CALCB: variants seen among roughly 807,000 people sequenced by gnomAD.
CALCB encodes the protein calcitonin gene-related peptide 2.
A neutral mutation model predicts 10.7 loss-of-function variants in CALCB; 8 were observed. That is an observed-to-expected ratio of 0.75 (90% CI 0.44 to 1.34). CALCB has a LOEUF of 1.34. Among genes scored for constraint, CALCB ranks in the 40% most tolerant of loss-of-function variants. The pLI is 0.01. For synonymous variants in CALCB, 76 were observed against 66.9 expected (o/e 1.14, Z -0.66); for missense variants, 176 against 162.5 (o/e 1.08, Z -0.45).
intron 3 of CALCB, among the ~76,000 whole-genome samples, chr11:15,076,848 T>A (rs1361244864): frequency 3.3e-5 from 5 of 152,174 alleles, no homozygotes; most frequent in Non-Finnish European, 7.3e-5. Context: ...GTGAAGGAGC[T>A]GGTAAGTACT....
chr11:15,074,686 A>G (rs1850377210), intron 1 of CALCB, 24 bp from the exon 2 acceptor site: 1 of 1,571,102 alleles, frequency 6.4e-7, no homozygotes, highest in Non-Finnish European at 8.7e-7. Context: ...CTGGTGCAGT[A>G]GTAACGTCAT....
At chr11:15,074,634 A>G in intron 1 of CALCB, 76 bp from the exon 2 acceptor site, 2 of 1,128,186 alleles carry the variant, frequency 1.8e-6, no homozygotes, top group Non-Finnish European at 2.6e-6. Flanking sequence ...CTAAGGTCAC[A>G]TGGCAGTTGT....
chr11:15,074,795 C>A lies in CALCB; in HGVS notation c.77C>A (p.Ala26Glu). 6.2e-7 allele frequency: 1 copy of A among 1,613,566 alleles called. No individual in the cohort carries two copies. The highest frequency in any genetic ancestry group is 8.5e-7 in the Non-Finnish European group (1 of 1,179,666). ...TACCAGGCGGGCAGCCTCCAGGCGG[C>A]GCCATTCAGGTGAGACAGCCTGGAG... ...VLYQAGSLQA[A>E]PFRSALESSP... The change falls in exon 2 of 5, where the codon GCG becomes GAG. Residue 26 changes from alanine (A) to glutamate (E), a missense_variant. Coordinates refer to ENST00000324229, the MANE Select transcript of CALCB (RefSeq NM_000728.4).
chr11:15,074,538 A>T (rs1257372782), intron 1 of CALCB, among the ~76,000 whole-genome samples, 172 bp from the exon 2 acceptor site: 1 of 152,034 alleles, frequency 6.6e-6, no homozygotes, highest in Admixed American at 6.5e-5. Flanking sequence ...CAAGCCATTC[A>T]CTCACTGCAA....
chr11:15,077,533 GA>G, intron 4 of CALCB, 63 bp downstream of exon 4: 2 of 1,508,660 alleles, frequency 1.3e-6, no homozygotes, highest in Non-Finnish European at 1.8e-6. Flanking sequence ...CCTACATTTT[GA>G]AAACCTCTGC....
rs761441692 is a variant in CALCB, at chr11:15,074,726, T to A, written c.8T>A (p.Phe3Tyr). 1 of 1,613,940 alleles carries A rather than the reference T, an allele frequency of 6.2e-7. No individual in the cohort carries two copies. Among genetic ancestry groups the A allele is most frequent in the South Asian group, 1.1e-5 (1 of 91,070 alleles). MG[F>Y]RKFSPFLALS... ...CCTTTACAGAGAGGCGGCATGGGTT[T>A]CCGGAAGTTCTCCCCCTTCCTGGCT... The change falls in exon 2 of 5, where the codon TTC becomes TAC. Residue 3 changes from phenylalanine (F) to tyrosine (Y), a missense_variant. Physicochemically the swap from Phe to Tyr is conservative, Grantham distance 22. Transcript: ENST00000324229.
In CALCB at chr11:15,074,513, C is replaced by A. The variant is rs564475883; in HGVS notation, c.-9-197C>A. Reference sequence around the variant, plus strand: ...TCTCTCCACCCTTCCCCTAGGACACCTTTTTCCGCTCTATCAAGCCATTCA... The same window carrying A: ...TCTCTCCACCCTTCCCCTAGGACACATTTTTCCGCTCTATCAAGCCATTCA... On this transcript the variant is annotated intron_variant, in intron 1 of 4. Transcript: ENST00000324229. Among the ~76,000 whole-genome samples, 21 of 152,290 alleles carry A rather than the reference C, an allele frequency of 1.4e-4. No homozygotes were observed. In the South Asian group the frequency reaches 3.7e-3, roughly 27 times the overall value.
intron 3 of CALCB, among the ~76,000 whole-genome samples, chr11:15,076,723 C>G (rs1243239506): frequency 2.0e-5 from 3 of 152,216 alleles, no homozygotes; most frequent in East Asian, 3.8e-4. Flanking sequence ...TGGTCCACAT[C>G]CAGACTTGAG....
In CALCB at chr11:15,077,489, T is replaced by G. The variant is rs770414596; in HGVS notation, c.*25+19T>G. 5.6e-6 allele frequency: 9 copies of G among 1,609,946 alleles called. No homozygotes were observed. The African/African-American group carries it at 9.4e-5, about 17-fold the overall frequency. ...GAAGAAGGTAACTACCCTAATGCTA[T>G]GGGATAAGAGGGGGAAGGGACTTGG... On this transcript the variant is annotated intron_variant, in intron 4 of 4. Coordinates refer to ENST00000324229, the MANE Select transcript of CALCB (RefSeq NM_000728.4).
rs1850403120 is a variant in CALCB, at chr11:15,077,190, G to A, written c.225-96G>A. 3.8e-6 allele frequency: 5 copies of A among 1,304,600 alleles called. 1 individual carries two copies. The South Asian group carries it at 6.5e-5, about 17-fold the overall frequency. The allele number at this position is 1,304,600 out of a possible 1,614,324, so 80.8% of individuals were successfully genotyped here. A position where few individuals can be genotyped will look rare whatever the true frequency, so the allele number is the denominator to read the frequency against. On this transcript the variant is annotated intron_variant, in intron 3 of 4. Transcript: ENST00000324229. ...CATTTTCGAGAAACACTTACTGTTA[G>A]GTGGTGTGTCGAAGTGTTGCAGTTC...
chr11:15,075,152 A>G lies in CALCB; in HGVS notation c.178A>G (p.Met60Val), dbSNP rs761886471. The change falls in exon 3 of 5, where the codon ATG (methionine) becomes GTG (valine). Residue 60 changes from methionine to valine, a missense_variant. Physicochemically the swap from Met to Val is conservative, Grantham distance 21. Transcript: ENST00000324229. ...TGCACTGGTGCAGGACTATGTGCAG[A>G]TGAAGGCCAGTGAGCTGAAGCAGGA... ...LAALVQDYVQ[M>V]KASELKQEQE... 1.9e-6 allele frequency: 3 copies of G among 1,614,174 alleles called. No individual in the cohort carries two copies. Among genetic ancestry groups the G allele is most frequent in the East Asian group, 4.5e-5 (2 of 44,868 alleles).
chr11:15,074,743 T>G lies in CALCB; in HGVS notation c.25T>G (p.Phe9Val). 1 of 1,614,136 alleles carries G rather than the reference T, an allele frequency of 6.2e-7. No individual in the cohort carries two copies. Among genetic ancestry groups the G allele is most frequent in the South Asian group, 1.1e-5 (1 of 91,082 alleles). Reference sequence around the variant, plus strand: ...CATGGGTTTCCGGAAGTTCTCCCCCTTCCTGGCTCTCAGTATCTTGGTCCT... The same window carrying G: ...CATGGGTTTCCGGAAGTTCTCCCCCGTCCTGGCTCTCAGTATCTTGGTCCT... MGFRKFSPFLALSILVLYQ... is the reference protein window; with the variant it reads MGFRKFSPVLALSILVLYQ... Residue 9 changes from phenylalanine to valine, a missense_variant, in exon 2 of 5, where the codon TTC becomes GTC. Transcript: ENST00000324229.
At chr11:15,074,187 C>T (rs1165859258) in intron 1 of CALCB, among the ~76,000 whole-genome samples, 1 of 152,254 alleles carries the variant, frequency 6.6e-6, no homozygotes, top group Admixed American at 6.5e-5. Flanking sequence ...AAACGCGCTC[C>T]GGCAGAGGGC....
intron 2 of CALCB, 128 bp from the exon 3 acceptor site, chr11:15,074,933 C>G (rs986238295): frequency 4.3e-6 from 6 of 1,408,212 alleles, no homozygotes; most frequent in Admixed American, 3.5e-5. Context: ...GCCTCATGCC[C>G]GTCCCCTGGG....
chr11:15,077,467 G>A lies in CALCB; in HGVS notation c.*22G>A. ...CTGAGCAGATGAATGACTCCAGGAAGAAGGTAACTACCCTAATGCTATGGG... is the reference window on the plus strand; with the variant it reads ...CTGAGCAGATGAATGACTCCAGGAAAAAGGTAACTACCCTAATGCTATGGG... On this transcript the variant is annotated 3_prime_UTR_variant, in exon 4 of 5. Coordinates refer to ENST00000324229, the MANE Select transcript of CALCB (RefSeq NM_000728.4). The A allele has an allele frequency of 6.2e-7, 1 of 1,613,680 alleles. No individual in the cohort carries two copies. Among genetic ancestry groups the A allele is most frequent in the South Asian group, 1.1e-5 (1 of 91,024 alleles).
chr11:15,075,944 C>T (rs3829220), intron 3 of CALCB, among the ~76,000 whole-genome samples: 4,958 of 152,236 alleles, frequency 0.033, 228 homozygotes, highest in African/African-American at 0.11. Context: ...GGCTGAACAT[C>T]ATGGGAATAC....
intron 3 of CALCB, 66 bp from the exon 4 acceptor site, chr11:15,077,220 C>T (rs1850403341): frequency 6.4e-7 from 1 of 1,564,400 alleles, no homozygotes; most frequent in Non-Finnish European, 8.7e-7. Context: ...CAGTTCTCTT[C>T]ATGAAGGCTC....
chr11:15,074,531 G>T lies in CALCB; in HGVS notation c.-9-179G>T, dbSNP rs147665945. On this transcript the variant is annotated intron_variant, in intron 1 of 4. Transcript: ENST00000324229. ...AGGACACCTTTTTCCGCTCTATCAA[G>T]CCATTCACTCACTGCAATGTGTCTC... 5.9e-4 allele frequency among the ~76,000 whole-genome samples: 90 copies of T among 152,290 alleles called. No homozygotes were observed. In the Middle Eastern group the frequency reaches 0.014, roughly 23 times the overall value.
chr11:15,074,882 C>CGCGT, intron 2 of CALCB, 78 bp downstream of exon 2: 2 of 1,418,962 alleles, frequency 1.4e-6, no homozygotes, highest in Non-Finnish European at 2.0e-6. Context: ...TCTGAAGTCA[C>CGCGT]GCGTGGCTCC....
Sources: allele counts gnomAD v4.1 joint callset (sites outside exome capture counted in the v4.1 genomes callset), GRCh38; gene constraint gnomAD v4.1.1; transcripts MANE v1.5; gene names NCBI Gene and HGNC (gene_info 2026-07-23, HGNC 2026-07-21).